Variants in DOCK4 observed in about 807,000 individuals in gnomAD.
DOCK4 encodes the protein dedicator of cytokinesis 4.
In DOCK4, 97 loss-of-function variants were observed where a neutral mutation model predicts 268.1. The ratio of observed to expected loss-of-function variants is 0.36; its 90% CI spans 0.31 to 0.43. The LOEUF (loss-of-function observed/expected upper bound fraction) is 0.43, where lower values mean the gene tolerates loss of function less well. Among genes scored for constraint, DOCK4 ranks in the 20% least tolerant of loss-of-function variants. The pLI is 1.00. For synonymous variants in DOCK4, 954 were observed against 887.2 expected (o/e 1.08, Z -1.34); for missense variants, 2,145 against 2,455.7 (o/e 0.87, Z 2.67).
At chr7:111,774,759 T>C (rs576739708) in intron 36 of DOCK4, among the ~76,000 whole-genome samples, 1 of 152,186 alleles carries the variant, frequency 6.6e-6, no homozygotes, top group East Asian at 1.9e-4. Context: ...GTAGAACACA[T>C]ACACTGACAA....
At chr7:111,909,415 T>G (rs1048696915) in intron 13 of DOCK4, among the ~76,000 whole-genome samples, 4 of 152,222 alleles carry the variant, frequency 2.6e-5, no homozygotes, top group Admixed American at 6.5e-5. Flanking sequence ...AAATCATTAT[T>G]TAGTCAACTT....
chr7:111,902,807 T>A (rs980264905), intron 13 of DOCK4, among the ~76,000 whole-genome samples: 1 of 152,122 alleles, frequency 6.6e-6, no homozygotes, highest in Non-Finnish European at 1.5e-5. Context: ...TCTCGCTCTG[T>A]CGCCCAGGCT....
intron 1 of DOCK4, among the ~76,000 whole-genome samples, chr7:112,040,331 A>T (rs545240491): frequency 6.6e-5 from 10 of 152,354 alleles, no homozygotes; most frequent in African/African-American, 2.4e-4. Context: ...CAAAATGTAC[A>T]ATAATAATGG....
chr7:111,930,216 T>C (rs114211977), intron 12 of DOCK4, among the ~76,000 whole-genome samples: 96 of 152,350 alleles, frequency 6.3e-4, no homozygotes, highest in African/African-American at 2.3e-3. Context: ...GATATAGTAA[T>C]TCAATTTTTA....
chr7:111,856,406 A>C (rs1805018667), intron 23 of DOCK4, among the ~76,000 whole-genome samples: 1 of 152,206 alleles, frequency 6.6e-6, no homozygotes, highest in Admixed American at 6.5e-5. Context: ...GTGTTACCTA[A>C]AACTATTAAT....
intron 1 of DOCK4, among the ~76,000 whole-genome samples, chr7:112,055,552 C>T (rs1036720325): frequency 1.3e-5 from 2 of 152,088 alleles, no homozygotes; most frequent in African/African-American, 2.4e-5. Context: ...AAGCAGACAA[C>T]AATGAATGAA....
Position 112,015,400 on chromosome 7 carries a change from T to C in DOCK4, c.38-11269A>G, listed in dbSNP as rs111762523. Among the ~76,000 whole-genome samples, 342 of 152,162 alleles carry C rather than the reference T, an allele frequency of 2.2e-3. 3 individuals are homozygous for C. Among genetic ancestry groups the C allele is most frequent in the African/African-American group, 7.7e-3 (321 of 41,518 alleles). Reference sequence around the variant, plus strand: ...TTAGCATATAATCAAGAAATAACCATAAAAATAGCCAGCTAGCAGCCCTCA... The same window carrying C: ...TTAGCATATAATCAAGAAATAACCACAAAAATAGCCAGCTAGCAGCCCTCA... On this transcript the variant is annotated intron_variant, in intron 1 of 52. Coordinates refer to ENST00000428084, the MANE Select transcript of DOCK4 (RefSeq NM_001363540.2).
chr7:112,138,800 T>C (rs1401750944), intron 1 of DOCK4, among the ~76,000 whole-genome samples: 1 of 152,092 alleles, frequency 6.6e-6, no homozygotes, highest in Non-Finnish European at 1.5e-5. Context: ...GTTAATGAGA[T>C]TAGTGCTCTT....
chr7:111,784,209 C>T, intron 32 of DOCK4, 86 bp from the exon 33 acceptor site: 1 of 1,388,000 alleles, frequency 7.2e-7, no homozygotes, highest in Non-Finnish European at 9.9e-7. Context: ...ATCATATTTT[C>T]AAAATATACA....
intron 13 of DOCK4, among the ~76,000 whole-genome samples, chr7:111,915,318 A>G (rs1460122147): frequency 1.3e-5 from 2 of 152,224 alleles, no homozygotes. Context: ...ATAGAAGTAC[A>G]TATAATATTT....
rs144361220 is a variant in DOCK4 at position 111,804,661 on chromosome 7, G to A, written c.3166+4160C>T. Among the ~76,000 whole-genome samples, 691 of 151,834 alleles carry A rather than the reference G, an allele frequency of 4.6e-3. 5 individuals are homozygous for A. Among genetic ancestry groups the A allele is most frequent in the African/African-American group, 0.015 (632 of 41,388 alleles). Reference sequence around the variant, plus strand: ...GTCCCCCATGCTGGAGTGCAATGGCGCGATCTTGGCTCACTGCAACCTCTG... The same window carrying A: ...GTCCCCCATGCTGGAGTGCAATGGCACGATCTTGGCTCACTGCAACCTCTG... On this transcript the variant is annotated intron_variant, in intron 30 of 52. Transcript: ENST00000428084.
intron 1 of DOCK4, among the ~76,000 whole-genome samples, chr7:112,134,525 C>T (rs779089388): frequency 3.3e-5 from 5 of 151,820 alleles, no homozygotes; most frequent in Admixed American, 6.6e-5. Context: ...CGAGACCATG[C>T]GGGCTAACAT....
chr7:111,951,936 T>C (rs1006970155), intron 8 of DOCK4, among the ~76,000 whole-genome samples: 7 of 151,902 alleles, frequency 4.6e-5, no homozygotes, highest in South Asian at 4.2e-4. Context: ...AGTTTTTGTG[T>C]GAATATTCTT....
intron 8 of DOCK4, among the ~76,000 whole-genome samples, chr7:111,947,310 C>T (rs778465036): frequency 6.6e-6 from 1 of 152,176 alleles, no homozygotes; most frequent in Non-Finnish European, 1.5e-5. Flanking sequence ...TGTTTTGGAA[C>T]ACTTATTCTC....
intron 51 of DOCK4, among the ~76,000 whole-genome samples, chr7:111,733,238 G>A (rs1357650051): frequency 6.6e-6 from 1 of 152,198 alleles, no homozygotes; most frequent in Non-Finnish European, 1.5e-5. Context: ...CCCCACAACA[G>A]TGACCACAGA....
At chr7:111,849,304 C>T (rs1226819739) in intron 23 of DOCK4, among the ~76,000 whole-genome samples, 1 of 150,048 alleles carries the variant, frequency 6.7e-6, no homozygotes, top group East Asian at 2.0e-4. Context: ...GCTCTGTTGC[C>T]CAGGCTGGAG....
At chr7:111,969,544 T>C (rs1468131206) in intron 8 of DOCK4, among the ~76,000 whole-genome samples, 1 of 151,944 alleles carries the variant, frequency 6.6e-6, no homozygotes, top group African/African-American at 2.4e-5. Flanking sequence ...TCAAATTCTC[T>C]TGAAAATTCA....
At chr7:111,919,071 T>A (rs370488840) in intron 12 of DOCK4, among the ~76,000 whole-genome samples, 1 of 152,026 alleles carries the variant, frequency 6.6e-6, no homozygotes, top group Non-Finnish European at 1.5e-5. Context: ...TTTTGCCCTA[T>A]AGGAGCCAGC....
chr7:112,132,340 A>G (rs1488497220), intron 1 of DOCK4, among the ~76,000 whole-genome samples: 22 of 152,178 alleles, frequency 1.4e-4, no homozygotes, highest in Admixed American at 1.4e-3. Flanking sequence ...TCCTTTTGCC[A>G]TCTCAAAAGG....
Sources: allele counts gnomAD v4.1 joint callset (sites outside exome capture counted in the v4.1 genomes callset), GRCh38; gene constraint gnomAD v4.1.1; transcripts MANE v1.5; gene names NCBI Gene and HGNC (gene_info 2026-07-23, HGNC 2026-07-21).